The following RFLNA variants were observed in gnomAD, a reference collection of about 807,000 sequenced individuals.
RFLNA encodes the protein refilin A.
In RFLNA, 5 loss-of-function variants were observed where a neutral mutation model predicts 7.8. That is an observed-to-expected ratio of 0.64 (90% CI 0.34 to 1.35). The LOEUF is 1.35. Among genes scored for constraint, RFLNA ranks in the 40% most tolerant of loss-of-function variants. RFLNA has a pLI of 0.04. For synonymous variants in RFLNA, 141 were observed against 131.3 expected, an observed-to-expected ratio of 1.07 and a Z score of -0.50; for missense variants, 278 against 305.5, an observed-to-expected ratio of 0.91 and a Z score of 0.67.
rs1355951398 is a variant in RFLNA, at chr12:124,314,344, C to A, written c.470C>A (p.Pro157Gln). The change falls in exon 3 of 3, where the codon CCA becomes CAA. Residue 157 changes from proline to glutamine, a missense_variant. Coordinates refer to ENST00000546355, the MANE Select transcript of RFLNA (RefSeq NM_001365156.1). ...TACCGCAGCCAGCTGACCCTGGAGC[C>A]ACGCCCGCGCGCCCTGCGCTTCCGC... is the stretch of plus-strand genomic sequence containing the variant. ...RNYRSQLTLE[P>Q]RPRALRFRST... is the part of the protein sequence containing the mutation. The A allele has an allele frequency of 6.2e-7, 1 of 1,613,454 alleles. No homozygotes were observed. The highest frequency in any genetic ancestry group is 1.7e-5 in the Admixed American group (1 of 60,022).
chr12:124,308,237 C>T (rs2034172302), intron 1 of RFLNA, among the ~76,000 whole-genome samples: 1 of 152,256 alleles, frequency 6.6e-6, no homozygotes, highest in South Asian at 2.1e-4. Context: ...CCACCTCGGC[C>T]TCCCAAAGTG....
upstream of RFLNA, among the ~76,000 whole-genome samples, chr12:124,294,288 C>G (rs1333675116): frequency 6.6e-6 from 1 of 152,224 alleles, no homozygotes; most frequent in East Asian, 1.9e-4. Context: ...CTATTAGCCT[C>G]TCCCACATTC....
chr12:124,294,997 CCGGGCCGGGGCTGTTGCCCACCGCG>C (rs1363762117), upstream of RFLNA, among the ~76,000 whole-genome samples: 1 of 151,912 alleles, frequency 6.6e-6, no homozygotes, highest in Non-Finnish European at 1.5e-5. Context: ...GGCGGAGGCG[CCGGGCCGGGGCTGTTGCCCACCGCG>C]CAGGCCGGGG....
rs138630404 is a variant in RFLNA, at chr12:124,307,499, C to T, written c.208-4319C>T. 9.2e-3 allele frequency among the ~76,000 whole-genome samples: 1,395 copies of T among 152,310 alleles called. 8 individuals carry two copies. The highest frequency in any genetic ancestry group is 0.034 in the Middle Eastern group (10 of 294). On this transcript the variant is annotated intron_variant, in intron 1 of 2. Coordinates refer to ENST00000546355, the MANE Select transcript of RFLNA (RefSeq NM_001365156.1). ...GCCAGGCTGGTCACAGCTGTGCCGT[C>T]GCCTTGCCTGGCTGACACCTGCTTA...
At chr12:124,299,245 G>C (rs543689487) in intron 1 of RFLNA, among the ~76,000 whole-genome samples, 1 of 152,380 alleles carries the variant, frequency 6.6e-6, no homozygotes, top group East Asian at 1.9e-4. Flanking sequence ...CATGCGGGCA[G>C]GGACCTGTCT....
At chr12:124,303,306 C>T (rs965286819) in intron 1 of RFLNA, among the ~76,000 whole-genome samples, 5 of 152,282 alleles carry the variant, frequency 3.3e-5, no homozygotes, top group Non-Finnish European at 2.9e-5. Flanking sequence ...TTCCAGCCAG[C>T]GAGTGTTCAT....
intron 2 of RFLNA, among the ~76,000 whole-genome samples, chr12:124,312,610 C>T (rs1274257570): frequency 6.6e-6 from 1 of 152,144 alleles, no homozygotes; most frequent in Non-Finnish European, 1.5e-5. Context: ...CATGCCCAGC[C>T]CCTGACAGAT....
intron 2 of RFLNA, among the ~76,000 whole-genome samples, chr12:124,313,468 G>T (rs968851538): frequency 5.3e-5 from 8 of 152,182 alleles, no homozygotes; most frequent in African/African-American, 1.9e-4. Flanking sequence ...CACGAGGTCA[G>T]GAGATCGAGA....
intron 1 of RFLNA, among the ~76,000 whole-genome samples, chr12:124,304,491 G>A (rs2034104085): frequency 1.3e-5 from 2 of 152,238 alleles, no homozygotes; most frequent in South Asian, 2.1e-4. Context: ...GGTGGGGAGC[G>A]GGACCGGGCG....
At chr12:124,311,662 T>C in intron 1 of RFLNA, 156 bp from the exon 2 acceptor site, 1 of 621,294 alleles carries the variant, frequency 1.6e-6, no homozygotes, top group Middle Eastern at 4.5e-4. Flanking sequence ...GGCTTCCTGA[T>C]GGGCCCCACA....
At chr12:124,299,025 A>T (rs1196003792) in intron 1 of RFLNA, among the ~76,000 whole-genome samples, 1 of 152,270 alleles carries the variant, frequency 6.6e-6, no homozygotes, top group Non-Finnish European at 1.5e-5. Context: ...CAGGTCAGTG[A>T]CTTCTAGGTG....
chr12:124,313,002 G>A (rs1372129391), intron 2 of RFLNA, among the ~76,000 whole-genome samples: 3 of 152,186 alleles, frequency 2.0e-5, no homozygotes, highest in African/African-American at 7.2e-5. Context: ...CCAAGTGTCT[G>A]AGACCCACTG....
At chr12:124,290,356 ATGTG>A (rs1162372852), upstream of RFLNA, among the ~76,000 whole-genome samples, 7 of 149,288 alleles carry the variant, frequency 4.7e-5, no homozygotes, top group African/African-American at 1.2e-4. The surrounding 1 kb of genome is among the most constrained non-coding windows in gnomAD (Gnocchi z 4.0). Context: ...GCATATGTGT[ATGTG>A]TGTATTTGTG....
chr12:124,314,669 C>T lies in RFLNA; in HGVS notation c.*144C>T, dbSNP rs528296057. The T allele has an allele frequency of 2.1e-5, 29 of 1,351,456 alleles. 1 individual carries two copies. The highest frequency in any genetic ancestry group is 1.9e-4 in the African/African-American group (13 of 69,660). The allele number at this position is 1,351,456 out of a possible 1,614,324, so 83.7% of individuals were successfully genotyped here. ...GACCAAGGACCCGTGTGGAAGGAGG[C>T]GGCTCCCCGCTGCCTGCCCTGACCT... On this transcript the variant is annotated 3_prime_UTR_variant, in exon 3 of 3. Coordinates refer to ENST00000546355, the MANE Select transcript of RFLNA (RefSeq NM_001365156.1).
At chr12:124,310,030 G>A (rs367637797) in intron 1 of RFLNA, among the ~76,000 whole-genome samples, 2 of 151,900 alleles carry the variant, frequency 1.3e-5, no homozygotes, top group African/African-American at 4.8e-5. Flanking sequence ...AAATTGGCTG[G>A]GGCATGGTGG....
At chr12:124,292,872 A>G (rs1593021695), upstream of RFLNA, among the ~76,000 whole-genome samples, 1 of 152,178 alleles carries the variant, frequency 6.6e-6, no homozygotes, top group East Asian at 1.9e-4. Context: ...ATTTCGCTGC[A>G]ATGTTTTAAA....
intron 1 of RFLNA, among the ~76,000 whole-genome samples, chr12:124,308,925 G>A (rs1316708692): frequency 2.6e-5 from 4 of 152,234 alleles, no homozygotes; most frequent in Non-Finnish European, 4.4e-5. Context: ...GATCTACCCC[G>A]GCCAGTGCGA....
intron 1 of RFLNA, among the ~76,000 whole-genome samples, chr12:124,308,541 G>C (rs2034178553): frequency 6.6e-6 from 1 of 152,186 alleles, no homozygotes; most frequent in Non-Finnish European, 1.5e-5. Context: ...AGGACTTCTG[G>C]GTCCATCTCA....
rs375677838 is a variant in RFLNA at position 124,303,336 on chromosome 12, G to A, written c.207+7700G>A. On this transcript the variant is annotated intron_variant, in intron 1 of 2. Coordinates refer to ENST00000546355, the MANE Select transcript of RFLNA (RefSeq NM_001365156.1). ...GTTCATCCCCACCCCAGCGGCTCCC[G>A]GGGAAGGCTCCTGGGTGAAGCGGGT... Among the ~76,000 whole-genome samples the A allele has an allele frequency of 1.8e-4, 28 of 152,290 alleles. No homozygotes were observed. In the South Asian group the frequency reaches 4.6e-3, roughly 25 times the overall value.
Sources: allele counts gnomAD v4.1 joint callset (sites outside exome capture counted in the v4.1 genomes callset), GRCh38; gene constraint gnomAD v4.1.1; non-coding constraint Gnocchi (gnomAD v3.1); transcripts MANE v1.5; gene names NCBI Gene and HGNC (gene_info 2026-07-23, HGNC 2026-07-21).